Variants in MYO16 observed in about 807,000 individuals in gnomAD.
MYO16 encodes myosin XVI.
A neutral mutation model predicts 205.3 loss-of-function variants in MYO16; 94 were observed. The ratio of observed to expected loss-of-function variants is 0.46; its 90% CI spans 0.39 to 0.54. MYO16 has a LOEUF of 0.54. Ranked by LOEUF, MYO16 falls within the 20% of genes least tolerant of loss-of-function variation. The pLI, the probability that MYO16 is intolerant of heterozygous loss-of-function variation, is 0.00. For missense variants in MYO16, 2,315 were observed against 2,387.5 expected (o/e 0.97, Z 0.63); for synonymous variants, 988 against 954.0 (o/e 1.04, Z -0.66).
At chr13:108,542,789 A>G in the MYO16 span, among the ~76,000 whole-genome samples, 22,113 of 152,008 alleles carry the variant, frequency 0.15, 1,962 homozygotes, top group Non-Finnish European at 0.2. Context: ...GAATAAAGCC[A>G]TGAATCAGGG....
chr13:108,644,474 C>T (rs569025357), intron 1 of MYO16, among the ~76,000 whole-genome samples: 2 of 152,192 alleles, frequency 1.3e-5, no homozygotes, highest in South Asian at 4.2e-4. Context: ...TCCTCTTTAA[C>T]TCTGTTAACA....
intron 28 of MYO16, among the ~76,000 whole-genome samples, chr13:109,119,542 C>T (rs1176696656): frequency 2.6e-5 from 4 of 152,138 alleles, no homozygotes; most frequent in Admixed American, 6.5e-5. Flanking sequence ...ACACCTACCT[C>T]GGTTCTGTGA....
At chr13:108,522,304 T>C in the MYO16 span, among the ~76,000 whole-genome samples, 8 of 152,338 alleles carry the variant, frequency 5.3e-5, no homozygotes, top group East Asian at 1.2e-3. Context: ...TTGCTATTTG[T>C]TTACTGAATA....
the MYO16 span, among the ~76,000 whole-genome samples, chr13:108,533,835 T>C: frequency 2.0e-5 from 3 of 152,358 alleles, no homozygotes; most frequent in African/African-American, 7.2e-5. Flanking sequence ...TGTTCTTTTT[T>C]AGTGATTTCA....
chr13:108,917,938 T>TGTCTACTCATGATAATTGTGG (rs1881571454), intron 16 of MYO16, among the ~76,000 whole-genome samples: 1 of 152,264 alleles, frequency 6.6e-6, no homozygotes. Context: ...TGTGGAAGAT[T>TGTCTACTCATGATAATTGTGG]ATAATTGATT....
the MYO16 span, among the ~76,000 whole-genome samples, chr13:108,521,546 T>C: frequency 6.6e-6 from 1 of 152,178 alleles, no homozygotes; most frequent in East Asian, 1.9e-4. Context: ...CATAATTGCC[T>C]GTAATATAAA....
chr13:108,510,005 G>C, the MYO16 span, among the ~76,000 whole-genome samples: 1 of 152,194 alleles, frequency 6.6e-6, no homozygotes, highest in African/African-American at 2.4e-5. Context: ...AGGGGCTAAA[G>C]CCATGGTCAA....
At chr13:108,601,015 T>A (rs1402961858) in intron 1 of MYO16, among the ~76,000 whole-genome samples, 1 of 152,154 alleles carries the variant, frequency 6.6e-6, no homozygotes, top group African/African-American at 2.4e-5. Context: ...AGGTCCTTTT[T>A]ACTTGAGGGC....
At chr13:109,154,584 C>T (rs1877882139) in intron 32 of MYO16, among the ~76,000 whole-genome samples, 2 of 151,848 alleles carry the variant, frequency 1.3e-5, no homozygotes, top group South Asian at 4.2e-4. Flanking sequence ...GGACAGGCAC[C>T]ACTAGCTTAC....
At chr13:109,060,108 C>T (rs1272340678) in intron 27 of MYO16, among the ~76,000 whole-genome samples, 1 of 152,096 alleles carries the variant, frequency 6.6e-6, no homozygotes, top group East Asian at 1.9e-4. Flanking sequence ...ACCAGAAATA[C>T]CATTTGACCC....
At chr13:108,737,169 A>G (rs1233596235) in intron 4 of MYO16, among the ~76,000 whole-genome samples, 1 of 152,158 alleles carries the variant, frequency 6.6e-6, no homozygotes, top group Non-Finnish European at 1.5e-5. Context: ...AACTTCCAAC[A>G]CTATGTTGAA....
At chr13:108,850,476 C>G (rs1413399917) in intron 10 of MYO16, among the ~76,000 whole-genome samples, 1 of 152,134 alleles carries the variant, frequency 6.6e-6, no homozygotes, top group African/African-American at 2.4e-5. Context: ...TAGATCTCTC[C>G]TTTTAGAAAT....
chr13:108,777,901 C>T (rs1461723971), intron 4 of MYO16, among the ~76,000 whole-genome samples: 1 of 152,206 alleles, frequency 6.6e-6, no homozygotes, highest in Non-Finnish European at 1.5e-5. Context: ...CCTGCATCTG[C>T]TATTCCCATA....
intron 16 of MYO16, among the ~76,000 whole-genome samples, chr13:108,957,241 G>T (rs551474471): frequency 6.6e-6 from 1 of 151,818 alleles, no homozygotes; most frequent in Non-Finnish European, 1.5e-5. Context: ...AAAATTAGCC[G>T]GGCGTGGTGG....
chr13:108,598,522 G>A (rs1386229460), intron 1 of MYO16, among the ~76,000 whole-genome samples: 1 of 152,118 alleles, frequency 6.6e-6, no homozygotes, highest in Non-Finnish European at 1.5e-5. Flanking sequence ...TCAAGTGATA[G>A]GTTGACACTT....
intron 2 of MYO16, among the ~76,000 whole-genome samples, chr13:108,681,538 G>A (rs528945312): frequency 6.6e-6 from 1 of 152,250 alleles, no homozygotes; most frequent in African/African-American, 2.4e-5. Flanking sequence ...CTTGATTCGT[G>A]GAGCTTATGG....
intron 2 of MYO16, among the ~76,000 whole-genome samples, chr13:108,707,311 A>C (rs1370996071): frequency 2.0e-5 from 3 of 152,134 alleles, no homozygotes; most frequent in Non-Finnish European, 4.4e-5. Context: ...AATGGAACAT[A>C]GGGATCAATG....
chr13:108,592,279 G>T, upstream of MYO16, among the ~76,000 whole-genome samples: 1 of 126,404 alleles, frequency 7.9e-6, no homozygotes, highest in Non-Finnish European at 1.7e-5. Context: ...GGGTGTGTGG[G>T]GGGCTGTGTG....
intron 32 of MYO16, among the ~76,000 whole-genome samples, chr13:109,158,527 A>G (rs1329267864): frequency 6.6e-6 from 1 of 152,134 alleles, no homozygotes; most frequent in African/African-American, 2.4e-5. Context: ...TTCCCATAAA[A>G]CATTTCCAAG....
Sources: allele counts gnomAD v4.1 joint callset (sites outside exome capture counted in the v4.1 genomes callset), GRCh38; gene constraint gnomAD v4.1.1; transcripts MANE v1.5; gene names NCBI Gene and HGNC (gene_info 2026-07-23, HGNC 2026-07-21).